CCDC18: variants seen among roughly 807,000 people sequenced by gnomAD.
CCDC18 encodes the protein coiled-coil domain containing 18.
Under a neutral mutation model 196.0 loss-of-function variants are expected in CCDC18, and 157 were observed. The ratio of observed to expected loss-of-function variants is 0.80; its 90% CI spans 0.70 to 0.91. The LOEUF is 0.91. CCDC18 is among the 40% of genes least tolerant of loss of function. The pLI, the probability that CCDC18 is intolerant of heterozygous loss-of-function variation, is 0.00. For missense variants in CCDC18, 1,465 were observed against 1,611.6 expected (o/e 0.91, Z 1.56); for synonymous variants, 482 against 529.2 (o/e 0.91, Z 1.22).
At chr1:93,204,969 A>C (rs1654488874) in intron 7 of CCDC18, among the ~76,000 whole-genome samples, 2 of 152,040 alleles carry the variant, frequency 1.3e-5, no homozygotes, top group South Asian at 4.2e-4. Flanking sequence ...GAAGGAGAGA[A>C]GAATGTAAGA....
intron 17 of CCDC18, among the ~76,000 whole-genome samples, chr1:93,229,539 C>G (rs1570466596): frequency 6.6e-6 from 1 of 152,132 alleles, no homozygotes; most frequent in South Asian, 2.1e-4. Flanking sequence ...TCTTTTAAAT[C>G]AGGGAATATG....
Position 93,256,533 on chromosome 1 carries a change from GA to G in CCDC18, c.3542del (p.Glu1181GlyfsTer9). The G allele has an allele frequency of 6.2e-7, 1 of 1,609,270 alleles. No individual in the cohort carries two copies. Among genetic ancestry groups the G allele is most frequent in the South Asian group, 1.1e-5 (1 of 90,880 alleles). ...ELEDMKQLSK[E>X]KDAHGNHLAE... ...GGAGGATATGAAGCAACTCTCTAAA[GA>G]GAAAGTAATCCCTATTTTAAATAAT... On this transcript the variant is annotated frameshift_variant, in exon 25 of 29. Transcript: ENST00000690025. LOFTEE classifies it high-confidence loss of function.
At chr1:93,216,935 C>CTCTTT (rs781629982) in intron 13 of CCDC18, among the ~76,000 whole-genome samples, 189 bp downstream of exon 13, 23,392 of 132,154 alleles carry the variant, frequency 0.18, 2,896 homozygotes, top group African/African-American at 0.29. Context: ...CAAGTTTTCT[C>CTCTTT]TTTTTTTTTT....
intron 17 of CCDC18, among the ~76,000 whole-genome samples, chr1:93,228,921 G>A (rs1024147377): frequency 6.6e-6 from 1 of 151,468 alleles, no homozygotes. Context: ...TAAATAGAAC[G>A]ATTTTTTTTT....
At chr1:93,179,999 A>G, upstream of CCDC18, 3 of 1,545,746 alleles carry the variant, frequency 1.9e-6, no homozygotes, top group South Asian at 2.3e-5. Context: ...GTGAGAGGCG[A>G]CAACGCAGTG....
chr1:93,261,102 A>G (rs918529013), intron 26 of CCDC18, among the ~76,000 whole-genome samples: 1 of 152,196 alleles, frequency 6.6e-6, no homozygotes, highest in Non-Finnish European at 1.5e-5. Context: ...TCTTTATAGT[A>G]GAATGATTTA....
In CCDC18 at chr1:93,270,817, ATGTATTTTATACAC is replaced by A. The variant is rs1364568861; in HGVS notation, c.4353+8_4353+21del. ...AAACAGGTGCTGGTTTAAATCAGGT[ATGTATTTTATACAC>A]TGTAAACTGTAATAATTTGTTTCCA... On this transcript the variant is annotated splice_donor_5th_base_variant and intron_variant, in intron 28 of 28. Coordinates refer to ENST00000690025, the MANE Select transcript of CCDC18 (RefSeq NM_001378204.1). 8 of 1,511,478 alleles carry A rather than the reference ATGTATTTTATACAC, an allele frequency of 5.3e-6. No individual in the cohort carries two copies. Among genetic ancestry groups the A allele is most frequent in the Non-Finnish European group, 7.1e-6 (8 of 1,128,116 alleles). 93.6% of individuals were successfully genotyped at this position (1,511,478 alleles called of 1,614,324 possible).
upstream of CCDC18, chr1:93,180,182 G>C (rs1476889857): frequency 1.2e-6 from 2 of 1,613,364 alleles, no homozygotes; most frequent in South Asian, 2.2e-5. Context: ...CCAGGCAGCA[G>C]CACCGGAGGC....
intron 26 of CCDC18, among the ~76,000 whole-genome samples, chr1:93,259,599 T>TGAG: frequency 6.6e-6 from 1 of 152,204 alleles, no homozygotes; most frequent in South Asian, 2.1e-4. Flanking sequence ...GAGTGATTGG[T>TGAG]AGGGCTTGTG....
chr1:93,187,089 A>AT (rs1369025915), intron 4 of CCDC18, among the ~76,000 whole-genome samples: 2 of 151,896 alleles, frequency 1.3e-5, no homozygotes, highest in East Asian at 1.9e-4. Context: ...GTGGTTTCCT[A>AT]TTTTTTTACT....
At chr1:93,218,617 C>G (rs1460397222) in intron 14 of CCDC18, among the ~76,000 whole-genome samples, 1 of 151,960 alleles carries the variant, frequency 6.6e-6, no homozygotes, top group South Asian at 2.1e-4. Flanking sequence ...TCAAGTGATT[C>G]TCCTGCCTCA....
chr1:93,256,200 A>C, intron 24 of CCDC18, 135 bp from the exon 25 acceptor site: 2 of 709,966 alleles, frequency 2.8e-6, no homozygotes, highest in Non-Finnish European at 4.7e-6. Context: ...ATTGTATGTT[A>C]AATTTTAACA....
intron 6 of CCDC18, among the ~76,000 whole-genome samples, chr1:93,198,332 A>G (rs953023641): frequency 3.3e-5 from 5 of 152,242 alleles, no homozygotes; most frequent in Non-Finnish European, 7.3e-5. Context: ...ATGGATTATT[A>G]TCACACATAT....
At chr1:93,180,990 G>A (rs1649523046) in intron 1 of CCDC18, 138 bp downstream of exon 1, 4 of 818,096 alleles carry the variant, frequency 4.9e-6, no homozygotes, top group South Asian at 1.4e-5. Flanking sequence ...TGGTTGCTGA[G>A]CATGCTGCTC....
At chr1:93,254,823 T>C (rs1296870443) in intron 24 of CCDC18, among the ~76,000 whole-genome samples, 1 of 152,200 alleles carries the variant, frequency 6.6e-6, no homozygotes, top group African/African-American at 2.4e-5. Context: ...AGTGTCTTAT[T>C]TATCTCTGTA....
At chr1:93,262,077 C>T (rs1471983815) in intron 26 of CCDC18, 5 of 152,154 alleles carry the variant, frequency 3.3e-5, no homozygotes, top group African/African-American at 9.7e-5. Flanking sequence ...AATGAACTTA[C>T]TATCATGAGA....
At chr1:93,257,849 A>C (rs1426802799) in intron 25 of CCDC18, among the ~76,000 whole-genome samples, 6 of 152,050 alleles carry the variant, frequency 3.9e-5, no homozygotes, top group Non-Finnish European at 8.8e-5. Context: ...TACTTATTTT[A>C]ACCCAAAACT....
At chr1:93,223,510 A>G (rs1474578908) in intron 16 of CCDC18, among the ~76,000 whole-genome samples, 2 of 152,196 alleles carry the variant, frequency 1.3e-5, no homozygotes, top group African/African-American at 4.8e-5. Context: ...GTTCTCTGCA[A>G]AAGAAATATG....
chr1:93,190,636 C>T, intron 4 of CCDC18: 1 of 270,662 alleles, frequency 3.7e-6, no homozygotes, highest in South Asian at 7.8e-5. Context: ...AAACACCTGC[C>T]AGCCCCCAAA....
Sources: allele counts gnomAD v4.1 joint callset (sites outside exome capture counted in the v4.1 genomes callset), GRCh38; gene constraint gnomAD v4.1.1; transcripts MANE v1.5; gene names NCBI Gene and HGNC (gene_info 2026-07-23, HGNC 2026-07-21).